GALNT2: variants seen among roughly 807,000 people sequenced by gnomAD.
GALNT2 encodes the protein UDP-GalNAc:polypeptide N-acetylgalactosaminyltransferase 2.
In GALNT2, 31 loss-of-function variants were observed where a neutral mutation model predicts 81.4. That is an observed-to-expected ratio of 0.38 (90% CI 0.29 to 0.51). The LOEUF is 0.51. Ranked by LOEUF, GALNT2 falls within the 20% of genes least tolerant of loss-of-function variation. The probability of loss-of-function intolerance (pLI) is 0.87; values close to 1 mark genes in which losing one functional copy is unlikely to be tolerated. For synonymous variants in GALNT2, 303 were observed against 287.4 expected (o/e 1.05, Z -0.55); for missense variants, 629 against 765.7 (o/e 0.82, Z 2.11).
chr1:230,158,403 A>G (rs1662327513), intron 1 of GALNT2, among the ~76,000 whole-genome samples: 1 of 152,232 alleles, frequency 6.6e-6, no homozygotes, highest in South Asian at 2.1e-4. Flanking sequence ...TGGGGAAACT[A>G]AGGCATGAAA....
chr1:230,067,230 C>A, upstream of GALNT2: 2 of 1,185,548 alleles, frequency 1.7e-6, no homozygotes, highest in Non-Finnish European at 2.1e-6. Context: ...GCGGCCGGCC[C>A]AGGCAGCACT....
chr1:230,112,403 G>T (rs759355476), intron 1 of GALNT2, among the ~76,000 whole-genome samples: 1 of 151,472 alleles, frequency 6.6e-6, no homozygotes, highest in Non-Finnish European at 1.5e-5. Flanking sequence ...CCTGCATTTA[G>T]AGTGTGTGCG....
chr1:230,236,873 G>A, intron 6 of GALNT2, 148 bp downstream of exon 6: 1 of 636,672 alleles, frequency 1.6e-6, no homozygotes, highest in Non-Finnish European at 2.6e-6. Flanking sequence ...ACTTCTCCCA[G>A]CAAACACAGG....
At chr1:230,185,477 A>G (rs75462027) in intron 2 of GALNT2, among the ~76,000 whole-genome samples, 93 of 152,256 alleles carry the variant, frequency 6.1e-4, no homozygotes, top group African/African-American at 1.8e-3. Flanking sequence ...TCATTCTTTT[A>G]GGGAACCTTT....
At chr1:230,111,813 C>G (rs1660712397) in intron 1 of GALNT2, among the ~76,000 whole-genome samples, 1 of 152,164 alleles carries the variant, frequency 6.6e-6, no homozygotes, top group Non-Finnish European at 1.5e-5. Context: ...AATACAAAAT[C>G]TAGAGCTTTG....
chr1:230,199,108 A>C (rs1440579551), intron 2 of GALNT2, among the ~76,000 whole-genome samples: 1 of 152,166 alleles, frequency 6.6e-6, no homozygotes, highest in East Asian at 1.9e-4. Flanking sequence ...TTCCAGAACT[A>C]TTTTTAAAGA....
chr1:230,181,247 A>G (rs377550553), intron 2 of GALNT2, among the ~76,000 whole-genome samples: 256 of 152,294 alleles, frequency 1.7e-3, no homozygotes, highest in African/African-American at 5.9e-3. Flanking sequence ...TAGGTATTCT[A>G]TATCAAGTTG....
intron 10 of GALNT2, among the ~76,000 whole-genome samples, chr1:230,254,516 A>C (rs754340895): frequency 6.6e-6 from 1 of 152,212 alleles, no homozygotes; most frequent in African/African-American, 2.4e-5. Flanking sequence ...TCCATAAGGC[A>C]GTCCCTAAGT....
At chr1:230,238,091 G>A (rs959359995) in intron 6 of GALNT2, among the ~76,000 whole-genome samples, 9 of 152,206 alleles carry the variant, frequency 5.9e-5, no homozygotes, top group African/African-American at 2.2e-4. Context: ...ATATGGAACA[G>A]CTGAAGTCTG....
At chr1:230,075,373 G>A (rs186258655) in intron 1 of GALNT2, among the ~76,000 whole-genome samples, 10 of 152,030 alleles carry the variant, frequency 6.6e-5, no homozygotes, top group Non-Finnish European at 1.5e-4. Flanking sequence ...CACCCACCTC[G>A]GCCTCCCAAA....
intron 3 of GALNT2, among the ~76,000 whole-genome samples, chr1:230,226,734 C>T (rs1296569995): frequency 6.6e-6 from 1 of 152,246 alleles, no homozygotes; most frequent in Non-Finnish European, 1.5e-5. Context: ...TCTCCCCCTC[C>T]CCATTTCACT....
intron 1 of GALNT2, among the ~76,000 whole-genome samples, chr1:230,167,834 G>GTGC (rs966253268): frequency 1.3e-5 from 2 of 152,216 alleles, no homozygotes; most frequent in African/African-American, 4.8e-5. Flanking sequence ...TCATCACCAA[G>GTGC]TGCTGCCTGA....
At chr1:230,270,011 C>T (rs1477388895) in intron 14 of GALNT2, among the ~76,000 whole-genome samples, 3 of 152,100 alleles carry the variant, frequency 2.0e-5, no homozygotes, top group Non-Finnish European at 4.4e-5. Context: ...ACCAGCCTGG[C>T]CAACATGGTG....
At chr1:230,130,764 G>T (rs1326548442) in intron 1 of GALNT2, among the ~76,000 whole-genome samples, 1 of 152,236 alleles carries the variant, frequency 6.6e-6, no homozygotes, top group African/African-American at 2.4e-5. Context: ...TGTATGTTCA[G>T]TCAAGCTTGG....
In GALNT2 at chr1:230,126,308, G is replaced by A. The variant is rs144581390; in HGVS notation, c.127-51910G>A. ...CGGCGGGGGCAGGCACCCCTCTGCAGAATGTGGAAAGGGCCTGGTGATGAG... is the reference window on the plus strand; with the variant it reads ...CGGCGGGGGCAGGCACCCCTCTGCAAAATGTGGAAAGGGCCTGGTGATGAG... On this transcript the variant is annotated intron_variant, in intron 1 of 15. Transcript: ENST00000366672. Among the ~76,000 whole-genome samples, 687 of 152,310 alleles carry A rather than the reference G, an allele frequency of 4.5e-3. 4 individuals carry two copies. Among genetic ancestry groups the A allele is most frequent in the Non-Finnish European group, 7.8e-3 (529 of 68,028 alleles).
At chr1:230,249,153 T>A in intron 8 of GALNT2, 31 bp from the exon 9 acceptor site, 2 of 1,601,430 alleles carry the variant, frequency 1.2e-6, no homozygotes, top group Non-Finnish European at 8.6e-7. Context: ...CAGTCTCTTG[T>A]CAACACCCTG....
At chr1:230,249,707 G>A (rs1350847876) in intron 9 of GALNT2, among the ~76,000 whole-genome samples, 4 of 152,202 alleles carry the variant, frequency 2.6e-5, no homozygotes, top group South Asian at 2.1e-4. Context: ...CAGGCCGGGC[G>A]GTGGGCTTTC....
At chr1:230,256,311 T>G (rs1665713435) in intron 11 of GALNT2, among the ~76,000 whole-genome samples, 1 of 152,102 alleles carries the variant, frequency 6.6e-6, no homozygotes, top group African/African-American at 2.4e-5. Flanking sequence ...CCGGGCATAG[T>G]GGCAGGCGCC....
chr1:230,061,765 C>CA (rs1444244055), intron 1 of GALNT2, among the ~76,000 whole-genome samples: 1 of 152,090 alleles, frequency 6.6e-6, no homozygotes, highest in South Asian at 2.1e-4. Flanking sequence ...TGGTTTACCA[C>CA]TATTGTGTAT....
Sources: gnomAD v4.1 joint callset for allele counts (sites outside exome capture counted in the v4.1 genomes callset) on GRCh38, gnomAD v4.1.1 for gene constraint, MANE v1.5 for transcripts, NCBI Gene and HGNC (gene_info 2026-07-23, HGNC 2026-07-21) for gene names.